The following CTNND2 variants were observed in gnomAD, a reference collection of about 807,000 sequenced individuals.
CTNND2 encodes the protein catenin delta 2.
A neutral mutation model predicts 144.4 loss-of-function variants in CTNND2; 22 were observed. The ratio of observed to expected loss-of-function variants is 0.15; its 90% CI spans 0.11 to 0.22. CTNND2 has a LOEUF of 0.22. Ranked by LOEUF, CTNND2 falls within the 10% of genes least tolerant of loss-of-function variation. The probability of loss-of-function intolerance (pLI) is 1.00; values close to 1 mark genes in which losing one functional copy is unlikely to be tolerated. For missense variants in CTNND2, 1,353 were observed against 1,618.8 expected, an observed-to-expected ratio of 0.84 and a Z score of 2.82; for synonymous variants, 751 against 695.6, an observed-to-expected ratio of 1.08 and a Z score of -1.25.
chr5:11,611,805 T>C (rs1012568250), intron 2 of CTNND2, among the ~76,000 whole-genome samples: 1 of 152,144 alleles, frequency 6.6e-6, no homozygotes, highest in Non-Finnish European at 1.5e-5. Context: ...AGTTTTTTCT[T>C]GAACTCAAAA....
At chr5:11,610,076 A>G (rs1780240815) in intron 2 of CTNND2, among the ~76,000 whole-genome samples, 1 of 152,166 alleles carries the variant, frequency 6.6e-6, no homozygotes. Context: ...GAGTTTTATG[A>G]CTTGTTCCAG....
intron 3 of CTNND2, among the ~76,000 whole-genome samples, chr5:11,472,774 T>C (rs1368907141): frequency 3.9e-5 from 6 of 152,222 alleles, no homozygotes; most frequent in Admixed American, 6.5e-5. Context: ...AAAAGATGTA[T>C]AATATGACGG....
In CTNND2 at chr5:11,329,810, C is replaced by T. The variant is rs577998347; in HGVS notation, c.1628+16562G>A. Among the ~76,000 whole-genome samples, 45 of 152,312 alleles carry T rather than the reference C, an allele frequency of 3.0e-4. 5 individuals are homozygous for T. In the South Asian group the frequency reaches 8.9e-3, roughly 30 times the overall value. On this transcript the variant is annotated intron_variant, in intron 9 of 21. Coordinates refer to ENST00000304623, the MANE Select transcript of CTNND2 (RefSeq NM_001332.4). The stretch of plus-strand genomic sequence containing the variant: ...ATTCTCAGCGCCATCCCCAAGGCTC[C>T]TGCCATGGTCCCAAAGCAGCTTTGG...
At chr5:11,372,861 G>C (rs879810074) in intron 7 of CTNND2, among the ~76,000 whole-genome samples, 2 of 152,198 alleles carry the variant, frequency 1.3e-5, no homozygotes, top group African/African-American at 2.4e-5. Context: ...TATTTGTCTA[G>C]CTATGAATAC....
chr5:11,782,922 T>C (rs1382047553), intron 1 of CTNND2, among the ~76,000 whole-genome samples: 2 of 152,166 alleles, frequency 1.3e-5, no homozygotes, highest in African/African-American at 4.8e-5. Context: ...TCAGAAAGGA[T>C]TCAGATGAAA....
intron 9 of CTNND2, among the ~76,000 whole-genome samples, chr5:11,295,683 T>A (rs1381612738): frequency 6.6e-6 from 1 of 152,080 alleles, no homozygotes; most frequent in Non-Finnish European, 1.5e-5. Flanking sequence ...CTGCTGCATA[T>A]CTACAACTAT....
chr5:11,187,263 C>A (rs1219784630), intron 11 of CTNND2, among the ~76,000 whole-genome samples: 1 of 152,072 alleles, frequency 6.6e-6, no homozygotes, highest in Non-Finnish European at 1.5e-5. Context: ...GAAACAGAGA[C>A]AAATGGGACA....
chr5:11,063,143 A>G lies in CTNND2; in HGVS notation c.2788+19553T>C, dbSNP rs559465487. On this transcript the variant is annotated intron_variant, in intron 16 of 21. Coordinates refer to ENST00000304623, the MANE Select transcript of CTNND2 (RefSeq NM_001332.4). The stretch of plus-strand genomic sequence containing the variant: ...CAAAGAATCAAGTAGCATTACTATA[A>G]GGAAAGACCATCTATTCTCTTTACC... Among the ~76,000 whole-genome samples, 32 of 152,346 alleles carry G rather than the reference A, an allele frequency of 2.1e-4. No homozygotes were observed. In the South Asian group the frequency reaches 3.9e-3, roughly 19 times the overall value.
At chr5:11,566,810 G>A (rs1012191386) in intron 2 of CTNND2, among the ~76,000 whole-genome samples, 9 of 152,192 alleles carry the variant, frequency 5.9e-5, no homozygotes, top group Admixed American at 5.9e-4. Flanking sequence ...CTCACAGGAG[G>A]GGTGACAATG....
chr5:11,010,763 A>C (rs1342253559), intron 18 of CTNND2, among the ~76,000 whole-genome samples: 2 of 152,276 alleles, frequency 1.3e-5, no homozygotes, highest in Non-Finnish European at 2.9e-5. Context: ...ATCCAAGAGC[A>C]GTAAGGAAAG....
rs531332824 is a variant in CTNND2 at position 11,766,978 on chromosome 5, A to G, written c.38-34706T>C. On this transcript the variant is annotated intron_variant, in intron 1 of 21. Coordinates refer to ENST00000304623, the MANE Select transcript of CTNND2 (RefSeq NM_001332.4). ...GGAGTGTGGCATCTCCTTGCATGCC[A>G]GAGCTCACCCTGAGACCCACCCCAC... 2.8e-4 allele frequency among the ~76,000 whole-genome samples: 43 copies of G among 152,222 alleles called. No homozygotes were observed. In the South Asian group the frequency reaches 8.5e-3, roughly 30 times the overall value.
Position 11,042,929 on chromosome 5 carries a change from T to C in CTNND2, c.2789-19950A>G, listed in dbSNP as rs565663550. Among the ~76,000 whole-genome samples, 19 of 152,320 alleles carry C rather than the reference T, an allele frequency of 1.2e-4. 1 individual carries two copies. Among genetic ancestry groups the C allele is most frequent in the African/African-American group, 4.6e-4 (19 of 41,586 alleles). The stretch of plus-strand genomic sequence containing the variant: ...CCTTGTCCCCCTTATGTTTAGGAGG[T>C]AATCTTCTTTCTTAGATGCAAGATA... On this transcript the variant is annotated intron_variant, in intron 16 of 21. Transcript: ENST00000304623.
chr5:11,104,666 C>T (rs934530413), intron 14 of CTNND2, among the ~76,000 whole-genome samples: 31 of 152,164 alleles, frequency 2.0e-4, no homozygotes, highest in African/African-American at 6.0e-4. Flanking sequence ...TCAAAGAAAA[C>T]GGTAGTGCGG....
intron 9 of CTNND2, among the ~76,000 whole-genome samples, chr5:11,328,191 ATCTCAT>A (rs1204198136): frequency 6.6e-6 from 1 of 152,164 alleles, no homozygotes; most frequent in Admixed American, 6.5e-5. Flanking sequence ...TTTTTTCCAA[ATCTCAT>A]TTTCTACATC....
intron 21 of CTNND2, among the ~76,000 whole-genome samples, chr5:10,980,002 T>G (rs1205376179): frequency 6.6e-6 from 1 of 152,134 alleles, no homozygotes; most frequent in East Asian, 1.9e-4. Context: ...GGGCAAAGAC[T>G]TCATGTCCAA....
intron 2 of CTNND2, among the ~76,000 whole-genome samples, chr5:11,670,019 G>GTCA: frequency 6.6e-6 from 1 of 152,028 alleles, no homozygotes; most frequent in Non-Finnish European, 1.5e-5. Context: ...TCAGTAGTTA[G>GTCA]TCAGGAGCAG....
intron 3 of CTNND2, among the ~76,000 whole-genome samples, chr5:11,506,300 A>C (rs748570421): frequency 6.6e-6 from 1 of 152,194 alleles, no homozygotes; most frequent in Non-Finnish European, 1.5e-5. Flanking sequence ...TACTTAACTA[A>C]GACGCTTTTT....
At chr5:11,867,906 C>T (rs1795848601) in intron 1 of CTNND2, among the ~76,000 whole-genome samples, 1 of 150,584 alleles carries the variant, frequency 6.6e-6, no homozygotes, top group African/African-American at 2.4e-5. Context: ...ATCTAGAATG[C>T]CTCACTGTTT....
chr5:11,186,600 A>C (rs1167141687), intron 11 of CTNND2, among the ~76,000 whole-genome samples: 1 of 152,196 alleles, frequency 6.6e-6, no homozygotes, highest in African/African-American at 2.4e-5. Context: ...CATGTCTCCT[A>C]ATCCTCCACC....
Sources: gnomAD v4.1 joint callset for allele counts (sites outside exome capture counted in the v4.1 genomes callset) on GRCh38, gnomAD v4.1.1 for gene constraint, MANE v1.5 for transcripts, NCBI Gene and HGNC (gene_info 2026-07-23, HGNC 2026-07-21) for gene names.